The following ZNF671 variants were observed in gnomAD, a reference collection of about 807,000 sequenced individuals.
The protein encoded by ZNF671 is hypothetical protein FLJ23506.
A neutral mutation model predicts 16.6 loss-of-function variants in ZNF671; 19 were observed. The ratio of observed to expected loss-of-function variants is 1.14; its 90% confidence interval spans 0.80 to 1.68. The LOEUF is 1.68. Among genes scored for constraint, ZNF671 ranks in the 40% most tolerant of loss-of-function variants. The pLI, the probability that ZNF671 is intolerant of heterozygous loss-of-function variation, is 0.00. For missense variants in ZNF671, 637 were observed against 659.8 expected, an observed-to-expected ratio of 0.97 and a Z score of 0.38; for synonymous variants, 238 against 236.3, an observed-to-expected ratio of 1.01 and a Z score of -0.06.
At position 57,719,799 on chromosome 19, in the gene ZNF671, G is replaced by A. The variant is rs1985785484; in HGVS notation, c.*682C>T. ...TATTATCATGAGCAATGTGAAGCAG[G>A]CAGTTCCAGAGCTGGGTGACTTGGA... On this transcript the variant is annotated 3_prime_UTR_variant, in exon 4 of 4. Coordinates refer to ENST00000317398, the MANE Select transcript of ZNF671 (RefSeq NM_024833.3). The A allele has an allele frequency of 6.6e-6, 1 of 152,466 alleles. No homozygotes were observed. Among genetic ancestry groups the A allele is most frequent in the Admixed American group, 6.5e-5 (1 of 15,314 alleles). 9.4% of individuals were successfully genotyped at this position (152,466 alleles called of 1,614,324 possible). A position where few individuals can be genotyped will look rare whatever the true frequency, so the allele number is the denominator to read the frequency against.
Position 57,721,016 on chromosome 19 carries a change from A to G in ZNF671, c.1070T>C (p.Ile357Thr), listed in dbSNP as rs768785641. ...GKFFRQISGL[I>T]EHRRVHTGER... is the part of the protein sequence containing the mutation. ...ACCCGTGTGAACTCGCCTGTGCTCA[A>G]TCAGGCCGGAGATTTGTCTAAAGAA... Residue 357 changes from isoleucine (I) to threonine (T), a missense_variant, in exon 4 of 4, where the codon ATT becomes ACT. Physicochemically the swap from Ile to Thr is moderately conservative, Grantham distance 89. Transcript: ENST00000317398. 13 of 1,613,782 alleles carry G rather than the reference A, an allele frequency of 8.1e-6. No individual in the cohort carries two copies. Among genetic ancestry groups the G allele is most frequent in the Admixed American group, 3.3e-5 (2 of 59,988 alleles).
At position 57,720,973 on chromosome 19, in the gene ZNF671, A is replaced by G; in HGVS notation, c.1113T>C (p.Cys371=). Residue 371 remains cysteine (C), a synonymous_variant, in exon 4 of 4, where the codon TGT becomes TGC. Coordinates refer to ENST00000317398, the MANE Select transcript of ZNF671 (RefSeq NM_024833.3). ...TGCTAAAAAATTTCCCACATTTGCCACACTGATAGAGTCTTTCACCCGTGT... is the reference window on the plus strand; with the variant it reads ...TGCTAAAAAATTTCCCACATTTGCCGCACTGATAGAGTCTTTCACCCGTGT... ...RVHTGERLYQ[C]GKCGKFFSSK... 6.2e-7 allele frequency: 1 copy of G among 1,614,108 alleles called. No individual in the cohort carries two copies.
At chr19:57,724,380 C>A (rs914005980) in intron 1 of ZNF671, among the ~76,000 whole-genome samples, 3 of 152,128 alleles carry the variant, frequency 2.0e-5, no homozygotes, top group African/African-American at 7.2e-5. Context: ...TGTAACTACT[C>A]CTTTAACTTG....
At chr19:57,724,527 A>ATT (rs3062203) in intron 1 of ZNF671, among the ~76,000 whole-genome samples, 19,601 of 143,430 alleles carry the variant, frequency 0.14, 1,304 homozygotes, top group African/African-American at 0.15. Flanking sequence ...ACACATAACA[A>ATT]TTTTTTTTTT....
chr19:57,723,935 T>C (rs1985964486), intron 1 of ZNF671, among the ~76,000 whole-genome samples: 1 of 151,246 alleles, frequency 6.6e-6, no homozygotes, highest in African/African-American at 2.4e-5. Context: ...TCCCAGCTAC[T>C]TGGGAGGCTG....
intron 1 of ZNF671, chr19:57,727,053 C>G: frequency 4.3e-6 from 1 of 229,972 alleles, no homozygotes; most frequent in Non-Finnish European, 8.5e-6. Flanking sequence ...CACTTAAAAT[C>G]CCAGCTAAGA....
Position 57,720,857 on chromosome 19 carries a change from T to C in ZNF671, c.1229A>G (p.His410Arg), listed in dbSNP as rs2122453270. Reference protein sequence around the residue: ...SECGKEFSRKHTLVLHQRTHT... With the variant: ...SECGKEFSRKRTLVLHQRTHT... Reference sequence around the variant, plus strand: ...AGTTCGTTGGTGCAGAACAAGTGTGTGTTTCCGACTGAACTCTTTCCCACA... The same window carrying C: ...AGTTCGTTGGTGCAGAACAAGTGTGCGTTTCCGACTGAACTCTTTCCCACA... Residue 410 changes from histidine (H) to arginine (R), a missense_variant, in exon 4 of 4, where the codon CAC (histidine) becomes CGC (arginine). Transcript: ENST00000317398. 1 of 1,614,144 alleles carries C rather than the reference T, an allele frequency of 6.2e-7. No individual in the cohort carries two copies. The highest frequency in any genetic ancestry group is 2.2e-5 in the East Asian group (1 of 44,878).
rs556432363 is a variant in ZNF671 at position 57,722,379 on chromosome 19, C to T, written c.325G>A (p.Val109Met). 2 of 1,614,026 alleles carry T rather than the reference C, an allele frequency of 1.2e-6. No homozygotes were observed. Among genetic ancestry groups the T allele is most frequent in the Non-Finnish European group, 1.7e-6 (2 of 1,180,032 alleles). ...GAAGTCATATCCACCTGGTCATACA[C>T]CCAGGGCTCTTCTCCTCGCTCTAGT... ...MKLERGEEPW[V>M]YDQVDMTSAT... Residue 109 changes from valine to methionine, a missense_variant, in exon 3 of 4, where the codon GTG (valine) becomes ATG (methionine). By Grantham distance (21) the Val-to-Met change is conservative. Coordinates refer to ENST00000317398, the MANE Select transcript of ZNF671 (RefSeq NM_024833.3).
chr19:57,723,099 G>A, intron 2 of ZNF671, 115 bp downstream of exon 2: 1 of 1,406,466 alleles, frequency 7.1e-7, no homozygotes, highest in Non-Finnish European at 9.6e-7. Context: ...ACTCCATACA[G>A]CTTAGCCCTG....
At position 57,722,371 on chromosome 19, in the gene ZNF671, G is replaced by A. The variant is rs369605189; in HGVS notation, c.333C>T (p.Asp111=). 1.2e-6 allele frequency: 2 copies of A among 1,614,074 alleles called. No homozygotes were observed. The highest frequency in any genetic ancestry group is 1.7e-6 in the Non-Finnish European group (2 of 1,180,016). ...CTGTGGCTGAAGTCATATCCACCTGGTCATACACCCAGGGCTCTTCTCCTC... is the reference window on the plus strand; with the variant it reads ...CTGTGGCTGAAGTCATATCCACCTGATCATACACCCAGGGCTCTTCTCCTC... The part of the protein sequence containing the change: ...LERGEEPWVY[D]QVDMTSATER... The change falls in exon 3 of 4, where the codon GAC becomes GAT. Residue 111 remains aspartate, a synonymous_variant. Coordinates refer to ENST00000317398, the MANE Select transcript of ZNF671 (RefSeq NM_024833.3).
chr19:57,726,336 C>A (rs1281620087), intron 1 of ZNF671, among the ~76,000 whole-genome samples: 5 of 151,540 alleles, frequency 3.3e-5, no homozygotes, highest in Non-Finnish European at 7.4e-5. Context: ...AATAAATAAA[C>A]TAAAACTAAA....
chr19:57,723,485 C>T (rs1198679932), intron 1 of ZNF671, 145 bp from the exon 2 acceptor site: 2 of 878,076 alleles, frequency 2.3e-6, no homozygotes, highest in African/African-American at 1.7e-5. Context: ...CTCACTCTCT[C>T]CTGATCACCC....
At chr19:57,724,734 C>A (rs1384633524) in intron 1 of ZNF671, among the ~76,000 whole-genome samples, 1 of 152,090 alleles carries the variant, frequency 6.6e-6, no homozygotes, top group East Asian at 1.9e-4. Flanking sequence ...ACCATGTTAG[C>A]CAGGATGGTC....
In ZNF671 at chr19:57,721,235, T is replaced by C; in HGVS notation, c.851A>G (p.Tyr284Cys). The change falls in exon 4 of 4, where the codon TAT (tyrosine) becomes TGT (cysteine). Residue 284 changes from tyrosine (Y) to cysteine (C), a missense_variant. Tyr to Cys is a radical substitution (Grantham distance 194). Transcript: ENST00000317398. ...LVSGFLMGQR[Y>C]HRCGECGKAF... ...TTTCCCACATTCACCACACCTGTGA[T>C]ACCTCTGTCCCATGAGAAAGCCACT... The C allele has an allele frequency of 6.2e-7, 1 of 1,601,764 alleles. No individual in the cohort carries two copies. The highest frequency in any genetic ancestry group is 1.1e-5 in the South Asian group (1 of 88,726).
At chr19:57,722,217 G>C (rs1323136924) in intron 3 of ZNF671, 99 bp downstream of exon 3, 1 of 1,533,388 alleles carries the variant, frequency 6.5e-7, no homozygotes, top group Non-Finnish European at 8.8e-7. Context: ...GAAACGCTGT[G>C]TGGCCACTGG....
intron 2 of ZNF671, 122 bp from the exon 3 acceptor site, chr19:57,722,560 A>C: frequency 6.9e-7 from 1 of 1,459,778 alleles, no homozygotes; most frequent in South Asian, 1.3e-5. Context: ...AAAGGTCCCT[A>C]TAAGTGACTA....
At chr19:57,724,082 C>T (rs1985968715) in intron 1 of ZNF671, among the ~76,000 whole-genome samples, 1 of 151,804 alleles carries the variant, frequency 6.6e-6, no homozygotes, top group African/African-American at 2.4e-5. Flanking sequence ...AATCAGTATC[C>T]CATCTTGCTC....
chr19:57,721,344 T>C lies in ZNF671; in HGVS notation c.742A>G (p.Arg248Gly), dbSNP rs376841772. 1 of 1,611,238 alleles carries C rather than the reference T, an allele frequency of 6.2e-7. No homozygotes were observed. The highest frequency in any genetic ancestry group is 1.3e-5 in the African/African-American group (1 of 74,854). Reference protein sequence around the residue: ...EKTLTCGKGRRDFSATSGLLQ... With the variant: ...EKTLTCGKGRGDFSATSGLLQ... ...AGGCCAGATGTGGCTGAAAAGTCTCTCCTACCTTTCCCACATGTGAGGGTC... is the reference window on the plus strand; with the variant it reads ...AGGCCAGATGTGGCTGAAAAGTCTCCCCTACCTTTCCCACATGTGAGGGTC... Residue 248 changes from arginine to glycine, a missense_variant, in exon 4 of 4, where the codon AGA becomes GGA. Coordinates refer to ENST00000317398, the MANE Select transcript of ZNF671 (RefSeq NM_024833.3).
chr19:57,720,269 C>T lies in ZNF671; in HGVS notation c.*212G>A, dbSNP rs937727207. The T allele has an allele frequency of 2.9e-6, 2 of 685,210 alleles. No homozygotes were observed. The highest frequency in any genetic ancestry group is 3.5e-5 in the African/African-American group (2 of 56,438). The allele number at this position is 685,210 out of a possible 1,614,324, so 42.4% of individuals were successfully genotyped here. A position where few individuals can be genotyped will look rare whatever the true frequency, so the allele number is the denominator to read the frequency against. ...CCCAATGGCTGCTCCCAGAGTTCCA[C>T]TCTAGGGTGAGCTGTTGGGCTGAAC... is the stretch of plus-strand genomic sequence containing the variant. On this transcript the variant is annotated 3_prime_UTR_variant, in exon 4 of 4. Coordinates refer to ENST00000317398, the MANE Select transcript of ZNF671 (RefSeq NM_024833.3).
Sources: gnomAD v4.1 joint callset for allele counts (sites outside exome capture counted in the v4.1 genomes callset) on GRCh38, gnomAD v4.1.1 for gene constraint, MANE v1.5 for transcripts, NCBI Gene and HGNC (gene_info 2026-07-23, HGNC 2026-07-21) for gene names.